Variants in SPAG9 observed in about 807,000 individuals in gnomAD.
The protein encoded by SPAG9 is C-Jun-amino-terminal kinase-interacting protein 4.
In SPAG9, 35 loss-of-function variants were observed where a neutral mutation model predicts 166.5. That is an observed-to-expected ratio of 0.21 (90% CI 0.16 to 0.28). The LOEUF is 0.28. Ranked by LOEUF, SPAG9 falls within the 10% of genes least tolerant of loss-of-function variation. The pLI is 1.00. For synonymous variants in SPAG9, 534 were observed against 565.5 expected (o/e 0.94, Z 0.79); for missense variants, 1,235 against 1,603.3 (o/e 0.77, Z 3.92).
At chr17:51,076,396 G>C (rs1442405208) in intron 2 of SPAG9, among the ~76,000 whole-genome samples, 1 of 151,690 alleles carries the variant, frequency 6.6e-6, no homozygotes, top group Non-Finnish European at 1.5e-5. Context: ...GCACACGTTA[G>C]ACAGAGTGAG....
chr17:51,041,365 T>C (rs892048356), intron 5 of SPAG9, 136 bp downstream of exon 5: 1 of 745,110 alleles, frequency 1.3e-6, no homozygotes, highest in Non-Finnish European at 2.0e-6. Context: ...TCATTTCCAA[T>C]TTAAAAAACC....
intron 19 of SPAG9, among the ~76,000 whole-genome samples, chr17:50,991,817 T>C (rs1325129612): frequency 6.6e-6 from 1 of 151,572 alleles, no homozygotes; most frequent in East Asian, 1.9e-4. Context: ...AGAAACGGGG[T>C]TTTACCATGT....
At chr17:51,000,508 C>T (rs200214239) in intron 13 of SPAG9, among the ~76,000 whole-genome samples, 7 of 151,942 alleles carry the variant, frequency 4.6e-5, no homozygotes, top group African/African-American at 7.3e-5. Context: ...CCGAGGCGGG[C>T]GGATCACTTG....
chr17:51,062,240 G>A (rs911215012), intron 2 of SPAG9, among the ~76,000 whole-genome samples: 3 of 152,032 alleles, frequency 2.0e-5, no homozygotes, highest in African/African-American at 7.2e-5. Context: ...AATCAGAGTG[G>A]TATACCTTTT....
In SPAG9 at chr17:50,966,189, A is replaced by G. The variant is rs549184619; in HGVS notation, c.*83T>C. ...ATTATGTGGTGAAACTTATCTCACAAAAGAGCATTAAATAAAAGGATAGAG... is the reference window on the plus strand; with the variant it reads ...ATTATGTGGTGAAACTTATCTCACAGAAGAGCATTAAATAAAAGGATAGAG... On this transcript the variant is annotated 3_prime_UTR_variant, in exon 30 of 30. Coordinates refer to ENST00000262013, the MANE Select transcript of SPAG9 (RefSeq NM_001130528.3). 2.2e-4 allele frequency: 192 copies of G among 867,594 alleles called. No homozygotes were observed. The highest frequency in any genetic ancestry group is 1.5e-3 in the Middle Eastern group (7 of 4,540). The allele number at this position is 867,594 out of a possible 1,614,324, so 53.7% of individuals were successfully genotyped here.
intron 15 of SPAG9, among the ~76,000 whole-genome samples, chr17:50,997,268 C>T (rs553067623): frequency 1.3e-4 from 20 of 152,298 alleles, no homozygotes; most frequent in African/African-American, 4.8e-4. Context: ...TCATCAGCCA[C>T]CAAATTTATA....
At position 50,977,100 on chromosome 17, in the gene SPAG9, A is replaced by C; in HGVS notation, c.3523+8T>G. The C allele has an allele frequency of 6.5e-7, 1 of 1,534,304 alleles. No homozygotes were observed. Reference sequence around the variant, plus strand: ...TGTTCCATGGCAGTTATCTAAAAATATACTTACTTTCTGTCAATGGGATGG... The same window carrying C: ...TGTTCCATGGCAGTTATCTAAAAATCTACTTACTTTCTGTCAATGGGATGG... On this transcript the variant is annotated splice_region_variant and intron_variant, in intron 27 of 29. Coordinates refer to ENST00000262013, the MANE Select transcript of SPAG9 (RefSeq NM_001130528.3).
At chr17:51,057,829 A>C (rs879392282) in intron 2 of SPAG9, among the ~76,000 whole-genome samples, 1 of 152,214 alleles carries the variant, frequency 6.6e-6, no homozygotes, top group Non-Finnish European at 1.5e-5. Flanking sequence ...CTGTGGCTGA[A>C]AGCGATAATA....
chr17:50,985,793 T>C lies in SPAG9; in HGVS notation c.2940-15A>G. ...GGACATACAAACTGTAAGAACAAAG[T>C]CAACACTGGTAAGGCATAGAGAACA... On this transcript the variant is annotated splice_polypyrimidine_tract_variant and intron_variant, in intron 22 of 29. Transcript: ENST00000262013. The C allele has an allele frequency of 2.7e-6, 4 of 1,489,922 alleles. No individual in the cohort carries two copies. Among genetic ancestry groups the C allele is most frequent in the Non-Finnish European group, 3.7e-6 (4 of 1,069,942 alleles). 92.3% of individuals were successfully genotyped at this position (1,489,922 alleles called of 1,614,324 possible).
intron 2 of SPAG9, among the ~76,000 whole-genome samples, chr17:51,061,162 T>G (rs1444546839): frequency 2.0e-5 from 3 of 152,092 alleles, no homozygotes; most frequent in African/African-American, 7.2e-5. Context: ...AGCTTTTATA[T>G]AAGATGTTTG....
intron 21 of SPAG9, among the ~76,000 whole-genome samples, chr17:50,988,703 G>A (rs904947270): frequency 6.6e-6 from 1 of 152,070 alleles, no homozygotes; most frequent in Non-Finnish European, 1.5e-5. Context: ...ATAGGTGCAC[G>A]CTACCACGCC....
intron 5 of SPAG9, among the ~76,000 whole-genome samples, chr17:51,041,053 T>C (rs1471705166): frequency 6.6e-6 from 1 of 152,218 alleles, no homozygotes; most frequent in Non-Finnish European, 1.5e-5. Flanking sequence ...TGCATTTTTG[T>C]AGACTGCTCT....
intron 1 of SPAG9, among the ~76,000 whole-genome samples, chr17:51,119,539 G>T (rs981756412): frequency 3.9e-5 from 6 of 152,120 alleles, no homozygotes; most frequent in African/African-American, 1.4e-4. Flanking sequence ...TCACTGCTCG[G>T]GTGCTAGAGT....
At chr17:51,006,275 AATATTCTT>A in intron 10 of SPAG9, 38 bp from the exon 11 acceptor site, 1 of 1,592,934 alleles carries the variant, frequency 6.3e-7, no homozygotes, top group Non-Finnish European at 8.6e-7. Context: ...ATTACAAATA[AATATTCTT>A]TCCATCTTTC....
chr17:50,996,829 A>C (rs1735121371), intron 15 of SPAG9, 135 bp from the exon 16 acceptor site: 6 of 848,842 alleles, frequency 7.1e-6, no homozygotes, highest in African/African-American at 1.7e-5. Context: ...TATTTCAACT[A>C]TAACAGCTCC....
intron 2 of SPAG9, among the ~76,000 whole-genome samples, chr17:51,078,955 T>C (rs2048089658): frequency 6.6e-6 from 1 of 152,036 alleles, no homozygotes; most frequent in Non-Finnish European, 1.5e-5. Flanking sequence ...TGATCAAAAA[T>C]AGAGGAAATG....
intron 2 of SPAG9, among the ~76,000 whole-genome samples, chr17:51,060,752 T>A (rs979656011): frequency 3.9e-5 from 6 of 152,110 alleles, no homozygotes; most frequent in African/African-American, 1.2e-4. Flanking sequence ...GAAATAAATT[T>A]CTGCTATTGA....
chr17:51,105,874 A>G (rs1461652876), intron 1 of SPAG9, among the ~76,000 whole-genome samples: 1 of 151,368 alleles, frequency 6.6e-6, no homozygotes, highest in Non-Finnish European at 1.5e-5. Flanking sequence ...CTCAAAAAAA[A>G]AGAGAAAAAG....
chr17:51,101,508 G>C (rs1262643031), intron 1 of SPAG9, among the ~76,000 whole-genome samples: 1 of 152,046 alleles, frequency 6.6e-6, no homozygotes, highest in Non-Finnish European at 1.5e-5. Context: ...GTTTCTGACA[G>C]GTAGCAGTAA....
Sources: gnomAD v4.1 joint callset for allele counts (sites outside exome capture counted in the v4.1 genomes callset) on GRCh38, gnomAD v4.1.1 for gene constraint, MANE v1.5 for transcripts, NCBI Gene and HGNC (gene_info 2026-07-23, HGNC 2026-07-21) for gene names.